Variants in ZBBX observed in about 807,000 individuals in gnomAD.
ZBBX encodes the protein zinc finger B-box domain containing.
In ZBBX, 101 loss-of-function variants were observed where a neutral mutation model predicts 108.5. The ratio of observed to expected loss-of-function variants is 0.93; its 90% CI spans 0.79 to 1.10. The LOEUF (loss-of-function observed/expected upper bound fraction) is 1.10. Among genes scored for constraint, ZBBX ranks in the 50% least tolerant of loss-of-function variants. The probability of loss-of-function intolerance (pLI) is 0.00; values close to 1 mark genes in which losing one functional copy is unlikely to be tolerated. For missense variants in ZBBX, 1,009 were observed against 941.4 expected (o/e 1.07, Z -0.94); for synonymous variants, 356 against 323.4 (o/e 1.10, Z -1.08).
chr3:167,348,356 GAAAGAAAGAAAGAAAA>G (rs1742001100), intron 9 of ZBBX, among the ~76,000 whole-genome samples: 2 of 115,016 alleles, frequency 1.7e-5, no homozygotes, highest in African/African-American at 6.9e-5. Context: ...AAGAAAGAAA[GAAAGAAAGAAAGAAAA>G]AAAAGAAAAG....
chr3:167,385,860 G>A (rs1424393038), intron 1 of ZBBX, among the ~76,000 whole-genome samples: 1 of 152,050 alleles, frequency 6.6e-6, no homozygotes, highest in African/African-American at 2.4e-5. Context: ...GTGCATAACT[G>A]TATAAGGTTA....
the ZBBX span, among the ~76,000 whole-genome samples, chr3:167,211,662 A>T: frequency 1.3e-5 from 2 of 151,986 alleles, no homozygotes; most frequent in Non-Finnish European, 2.9e-5. Context: ...GTCTGAACTG[A>T]CCCAGGGCAG....
intron 16 of ZBBX, among the ~76,000 whole-genome samples, chr3:167,309,861 C>T (rs1405395223): frequency 7.9e-5 from 12 of 152,212 alleles, no homozygotes; most frequent in Non-Finnish European, 1.5e-5. Context: ...TCGAATTTCT[C>T]CCCAAAGAAT....
the ZBBX span, among the ~76,000 whole-genome samples, chr3:167,179,027 C>T: frequency 6.6e-6 from 1 of 152,064 alleles, no homozygotes; most frequent in East Asian, 1.9e-4. Flanking sequence ...GCTAGTATAG[C>T]CTGGGGCATT....
At chr3:167,371,379 C>T (rs749075848) in intron 4 of ZBBX, among the ~76,000 whole-genome samples, 2 of 152,184 alleles carry the variant, frequency 1.3e-5, no homozygotes, top group Non-Finnish European at 2.9e-5. Context: ...CTAACTGCAT[C>T]TCTCACTCAG....
chr3:167,306,311 CA>C (rs950974163), intron 16 of ZBBX, among the ~76,000 whole-genome samples: 1 of 152,148 alleles, frequency 6.6e-6, no homozygotes, highest in Admixed American at 6.6e-5. Flanking sequence ...AGAAGTAACA[CA>C]GGGGGAACAT....
intron 2 of ZBBX, among the ~76,000 whole-genome samples, chr3:167,374,167 A>C (rs1341590245): frequency 6.6e-6 from 1 of 152,136 alleles, no homozygotes; most frequent in Non-Finnish European, 1.5e-5. Context: ...ATATAAAATG[A>C]AAATTAAGGT....
In ZBBX at chr3:167,288,867, C is replaced by T. The variant is rs201896466; in HGVS notation, c.1996G>A (p.Gly666Ser). The stretch of plus-strand genomic sequence containing the variant: ...ACTGCTGCCTTTGAGTCAATGTTAC[C>T]CATCTTTTGCTGTTTTCTACTTGAT... Reference protein sequence around the residue: ...PSSSRKQQKMGQKSQRPSTAN... With the variant: ...PSSSRKQQKMSQKSQRPSTAN... The change falls in exon 19 of 22, where the codon GGT becomes AGT. Residue 666 changes from glycine to serine, a missense_variant and splice_region_variant. Coordinates refer to ENST00000675490, the MANE Select transcript of ZBBX (RefSeq NM_001199201.2). The T allele has an allele frequency of 2.6e-6, 4 of 1,528,504 alleles. No individual in the cohort carries two copies. The East Asian group carries it at 7.4e-5, about 28-fold the overall frequency. 94.7% of individuals were successfully genotyped at this position (1,528,504 alleles called of 1,614,324 possible).
chr3:167,300,730 C>T (rs1341440403), intron 17 of ZBBX, among the ~76,000 whole-genome samples: 1 of 151,600 alleles, frequency 6.6e-6, no homozygotes, highest in Non-Finnish European at 1.5e-5. Flanking sequence ...CTGCCTCAGC[C>T]TCCTGAGTAG....
chr3:167,317,912 C>T (rs961464345), intron 12 of ZBBX, among the ~76,000 whole-genome samples: 2 of 152,026 alleles, frequency 1.3e-5, no homozygotes, highest in Non-Finnish European at 2.9e-5. Context: ...ATTAAAAACA[C>T]CATGCTACTT....
chr3:167,198,139 G>T, the ZBBX span, among the ~76,000 whole-genome samples: 1 of 151,924 alleles, frequency 6.6e-6, no homozygotes, highest in Non-Finnish European at 1.5e-5. Flanking sequence ...ACCCAAAATA[G>T]ATGAAACCAT....
the ZBBX span, among the ~76,000 whole-genome samples, chr3:167,193,545 C>A: frequency 0.013 from 2,006 of 152,198 alleles, 53 homozygotes; most frequent in African/African-American, 0.046. Flanking sequence ...TAGTTCCCTA[C>A]AATCTTGGGT....
intron 1 of ZBBX, among the ~76,000 whole-genome samples, chr3:167,401,034 A>G (rs1748409168): frequency 6.6e-6 from 1 of 152,174 alleles, no homozygotes; most frequent in African/African-American, 2.4e-5. Context: ...TCATTTCACA[A>G]CACAATCTAC....
At chr3:167,304,897 A>C (rs1733358484) in intron 17 of ZBBX, among the ~76,000 whole-genome samples, 1 of 139,018 alleles carries the variant, frequency 7.2e-6, no homozygotes. Flanking sequence ...ACAGAAAGCC[A>C]ATCCTCCAAG....
intron 8 of ZBBX, among the ~76,000 whole-genome samples, chr3:167,355,921 C>T (rs963967239): frequency 5.3e-5 from 8 of 152,006 alleles, no homozygotes; most frequent in African/African-American, 1.9e-4. Flanking sequence ...TGTCACTCTC[C>T]TGTGCTTTCC....
chr3:167,269,548 CA>C (rs1726167564), intron 20 of ZBBX, among the ~76,000 whole-genome samples: 1 of 152,182 alleles, frequency 6.6e-6, no homozygotes, highest in African/African-American at 2.4e-5. Flanking sequence ...CAGATTCCCA[CA>C]ATCCACATCA....
chr3:167,182,223 C>T, the ZBBX span, among the ~76,000 whole-genome samples: 2 of 152,134 alleles, frequency 1.3e-5, no homozygotes. Flanking sequence ...CCTGCTATGG[C>T]TTGTGCCAAC....
chr3:167,252,202 T>C, intron 20 of ZBBX: 3 of 1,289,310 alleles, frequency 2.3e-6, no homozygotes, highest in Non-Finnish European at 3.0e-6. Flanking sequence ...AAAGAAGAAG[T>C]GGATGCATCC....
At chr3:167,232,337 G>A in the ZBBX span, among the ~76,000 whole-genome samples, 1 of 151,790 alleles carries the variant, frequency 6.6e-6, no homozygotes, top group African/African-American at 2.4e-5. Context: ...TTTACTCCTA[G>A]TGCAATGTTT....
Sources: allele counts gnomAD v4.1 joint callset (sites outside exome capture counted in the v4.1 genomes callset), GRCh38; gene constraint gnomAD v4.1.1; transcripts MANE v1.5; gene names NCBI Gene and HGNC (gene_info 2026-07-23, HGNC 2026-07-21).